Variants in MCTP1 observed in about 807,000 individuals in gnomAD.
The protein encoded by MCTP1 is multiple C2 and transmembrane domain containing 1.
MCTP1 carries 69 observed loss-of-function variants against 120.6 expected under a neutral mutation model. The observed-to-expected ratio is 0.57, with a 90% CI of 0.47 to 0.70. MCTP1 has a LOEUF of 0.70. Ranked by LOEUF, MCTP1 falls within the 30% of genes least tolerant of loss-of-function variation. The pLI is 0.00. For synonymous variants in MCTP1, 529 were observed against 493.1 expected (o/e 1.07, Z -0.96); for missense variants, 1,203 against 1,248.8 (o/e 0.96, Z 0.55).
At chr5:94,842,037 C>T (rs1251673750) in intron 17 of MCTP1, among the ~76,000 whole-genome samples, 1 of 152,198 alleles carries the variant, frequency 6.6e-6, no homozygotes, top group African/African-American at 2.4e-5. Context: ...TTCCCACCAA[C>T]ACCCCACCAC....
intron 1 of MCTP1, among the ~76,000 whole-genome samples, chr5:95,149,875 C>T (rs1760740629): frequency 6.6e-6 from 1 of 152,150 alleles, no homozygotes; most frequent in Admixed American, 6.5e-5. Flanking sequence ...AGTGTGCATT[C>T]CCCAGGGCTT....
In MCTP1 at chr5:95,284,009, G is replaced by A. The variant is rs1295983062; in HGVS notation, c.567C>T (p.Pro189=). The A allele has an allele frequency of 4.7e-6, 7 of 1,480,294 alleles. No homozygotes were observed. The highest frequency in any genetic ancestry group is 6.3e-6 in the Non-Finnish European group (7 of 1,118,314). 91.7% of individuals were successfully genotyped at this position (1,480,294 alleles called of 1,614,324 possible). A position where few individuals can be genotyped will look rare whatever the true frequency, so the allele number is the denominator to read the frequency against. Residue 189 remains proline (P), a synonymous_variant, in exon 1 of 23, where the codon CCC becomes CCT. Coordinates refer to ENST00000515393, the MANE Select transcript of MCTP1 (RefSeq NM_024717.7). This position sits in a 1 kb window ranked among gnomAD's most constrained non-coding sequence, Gnocchi z 5.2. ...ARDEGARRQG[P]GAHLCHQKSS... is the part of the protein sequence containing the mutation. Reference sequence around the variant, plus strand: ...TCTTCTGGTGGCACAAGTGCGCCCCGGGGCCCTGACGCCGTGCACCCTCAT... The same window carrying A: ...TCTTCTGGTGGCACAAGTGCGCCCCAGGGCCCTGACGCCGTGCACCCTCAT...
intron 1 of MCTP1, among the ~76,000 whole-genome samples, chr5:95,091,882 T>G (rs543019337): frequency 1.4e-4 from 21 of 152,286 alleles, no homozygotes; most frequent in African/African-American, 4.8e-4. Context: ...CTGAAATATA[T>G]GTCATTAAGA....
intron 19 of MCTP1, among the ~76,000 whole-genome samples, chr5:94,733,688 G>C (rs942829862): frequency 6.6e-6 from 1 of 152,096 alleles, no homozygotes; most frequent in Non-Finnish European, 1.5e-5. Flanking sequence ...AGTATGGCCG[G>C]GCACCAGTGG....
intron 8 of MCTP1, among the ~76,000 whole-genome samples, chr5:94,914,759 G>A (rs1809634770): frequency 6.6e-6 from 1 of 152,222 alleles, no homozygotes; most frequent in Non-Finnish European, 1.5e-5. Flanking sequence ...GCTCCTGTCT[G>A]TTCTCCATAT....
Position 95,284,311 on chromosome 5 carries a change from C to T in MCTP1, c.265G>A (p.Asp89Asn). 1 of 1,597,538 alleles carries T rather than the reference C, an allele frequency of 6.3e-7. No individual in the cohort carries two copies. The highest frequency in any genetic ancestry group is 8.5e-7 in the Non-Finnish European group (1 of 1,179,298). The change falls in exon 1 of 23, where the codon GAC becomes AAC. Residue 89 changes from aspartate to asparagine, a missense_variant. Around this residue, in one of 2 missense-constraint regions of MCTP1, gnomAD observed 463 missense variants for 377.8 expected, o/e 1.23. Coordinates refer to ENST00000515393, the MANE Select transcript of MCTP1 (RefSeq NM_024717.7). This position sits in a 1 kb window ranked among gnomAD's most constrained non-coding sequence, Gnocchi z 5.2. ...GGCTGCGAGGAGGAGAAGACTCGGTCCAGCACTTGCTTCCGCTTCTTGAAG... is the reference window on the plus strand; with the variant it reads ...GGCTGCGAGGAGGAGAAGACTCGGTTCAGCACTTGCTTCCGCTTCTTGAAG... The part of the protein sequence containing the change: ...SGFKKRKQVL[D>N]RVFSSSQPNL...
intron 1 of MCTP1, among the ~76,000 whole-genome samples, chr5:95,145,554 T>C (rs1208352065): frequency 1.3e-5 from 2 of 152,132 alleles, no homozygotes; most frequent in Non-Finnish European, 2.9e-5. Context: ...TCTTATTATT[T>C]TGAGGTATGT....
chr5:94,841,767 C>T (rs1294779708), intron 17 of MCTP1, among the ~76,000 whole-genome samples: 1 of 152,106 alleles, frequency 6.6e-6, no homozygotes, highest in Non-Finnish European at 1.5e-5. Flanking sequence ...ATGTGGAACA[C>T]ATTGTTAAAA....
chr5:95,165,786 G>A (rs1746263754), intron 1 of MCTP1, among the ~76,000 whole-genome samples: 1 of 152,144 alleles, frequency 6.6e-6, no homozygotes, highest in South Asian at 2.1e-4. Context: ...CATGTCTTTG[G>A]AACATTCTGA....
At position 95,006,959 on chromosome 5, in the gene MCTP1, T is replaced by C. The variant is rs145831436; in HGVS notation, c.838+10408A>G. ...ACTGGGATATATGGCTGTATTAGTCTGTTCTCATGCTGCTAATAAAGACAC... is the reference window on the plus strand; with the variant it reads ...ACTGGGATATATGGCTGTATTAGTCCGTTCTCATGCTGCTAATAAAGACAC... On this transcript the variant is annotated intron_variant, in intron 2 of 22. Transcript: ENST00000515393. Among the ~76,000 whole-genome samples, 1,166 of 152,298 alleles carry C rather than the reference T, an allele frequency of 7.7e-3. 12 individuals are homozygous for C. Among genetic ancestry groups the C allele is most frequent in the African/African-American group, 0.027 (1,132 of 41,558 alleles).
chr5:94,953,401 G>A lies in MCTP1; in HGVS notation c.839-40C>T, dbSNP rs777461440. 9.5e-6 allele frequency: 14 copies of A among 1,468,854 alleles called. No individual in the cohort carries two copies. The East Asian group carries it at 1.5e-4, about 16-fold the overall frequency. The allele number at this position is 1,468,854 out of a possible 1,614,324, so 91.0% of individuals were successfully genotyped here. On this transcript the variant is annotated intron_variant, in intron 2 of 22. Transcript: ENST00000515393. Reference sequence around the variant, plus strand: ...GATTGATCCATGTTAATCATGACTTGGTTTGGAAGCAAGAGAACCACTCTT... The same window carrying A: ...GATTGATCCATGTTAATCATGACTTAGTTTGGAAGCAAGAGAACCACTCTT...
At chr5:94,847,056 T>A (rs1032800677) in intron 17 of MCTP1, among the ~76,000 whole-genome samples, 3 of 152,204 alleles carry the variant, frequency 2.0e-5, no homozygotes, top group African/African-American at 7.2e-5. Context: ...TGATTCTGAA[T>A]CATGCTAAAA....
chr5:95,158,180 T>G (rs1745332701), intron 1 of MCTP1, among the ~76,000 whole-genome samples: 1 of 152,234 alleles, frequency 6.6e-6, no homozygotes, highest in Non-Finnish European at 1.5e-5. Context: ...CAATATGGAC[T>G]GTGACAATAT....
intron 19 of MCTP1, among the ~76,000 whole-genome samples, chr5:94,776,237 C>G (rs928666148): frequency 2.6e-5 from 4 of 152,046 alleles, no homozygotes; most frequent in African/African-American, 9.7e-5. Context: ...TCAGTTTATG[C>G]CCACACGGAC....
At chr5:94,835,979 G>C (rs1258658202) in intron 17 of MCTP1, among the ~76,000 whole-genome samples, 1 of 152,010 alleles carries the variant, frequency 6.6e-6, no homozygotes, top group Non-Finnish European at 1.5e-5. Flanking sequence ...ACTCCAGCCT[G>C]GGCGACAGAG....
chr5:95,257,882 G>C (rs1027404402), intron 1 of MCTP1, among the ~76,000 whole-genome samples: 1 of 150,512 alleles, frequency 6.6e-6, no homozygotes, highest in African/African-American at 2.5e-5. Flanking sequence ...CGTTCCCAAT[G>C]GCCTGTGCCA....
intron 1 of MCTP1, among the ~76,000 whole-genome samples, chr5:95,193,222 T>C (rs1750017122): frequency 6.6e-6 from 1 of 152,138 alleles, no homozygotes; most frequent in Non-Finnish European, 1.5e-5. Flanking sequence ...AAACCTCTCA[T>C]ATACTTTACA....
chr5:94,809,550 G>A (rs10515218), intron 17 of MCTP1, among the ~76,000 whole-genome samples: 19,194 of 152,064 alleles, frequency 0.13, 1,589 homozygotes, highest in East Asian at 0.33. Flanking sequence ...TGTTACCTTT[G>A]TAGTTTGTAA....
chr5:94,783,511 A>G (rs1044425318), intron 18 of MCTP1, among the ~76,000 whole-genome samples: 1 of 152,120 alleles, frequency 6.6e-6, no homozygotes, highest in Non-Finnish European at 1.5e-5. Context: ...AATAATCTGA[A>G]TAAAAACATG....
Sources: gnomAD v4.1 joint callset for allele counts (sites outside exome capture counted in the v4.1 genomes callset) on GRCh38, gnomAD v4.1.1 for gene constraint, gnomAD v4.1.1 regional missense constraint, Gnocchi (gnomAD v3.1) non-coding constraint, MANE v1.5 for transcripts, NCBI Gene and HGNC (gene_info 2026-07-23, HGNC 2026-07-21) for gene names.